PPP3CA: variants seen among roughly 807,000 people sequenced by gnomAD.
The protein encoded by PPP3CA is protein phosphatase 3 catalytic subunit alpha, also known as CAM-PRP catalytic subunit.
In PPP3CA, 14 loss-of-function variants were observed where a neutral mutation model predicts 66.5. The observed-to-expected ratio is 0.21, with a 90% CI of 0.14 to 0.33. PPP3CA has a LOEUF of 0.33. PPP3CA is among the 10% of genes least tolerant of loss of function. The pLI is 1.00. For synonymous variants in PPP3CA, 232 were observed against 226.2 expected (o/e 1.03, Z -0.23); for missense variants, 317 against 639.5 (o/e 0.50, Z 5.44).
chr4:101,275,457 C>A (rs979891895), intron 1 of PPP3CA, among the ~76,000 whole-genome samples: 9 of 152,164 alleles, frequency 5.9e-5, no homozygotes, highest in African/African-American at 2.2e-4. Flanking sequence ...CCTTGTACCA[C>A]CCATATTCCT....
intron 1 of PPP3CA, among the ~76,000 whole-genome samples, chr4:101,281,246 C>G (rs1221233406): frequency 2.0e-5 from 3 of 152,172 alleles, no homozygotes; most frequent in African/African-American, 7.2e-5. Context: ...AGACAGTGAA[C>G]GTACATAATT....
intron 7 of PPP3CA, among the ~76,000 whole-genome samples, chr4:101,082,273 T>G (rs761942828): frequency 5.6e-4 from 86 of 152,228 alleles, no homozygotes; most frequent in Non-Finnish European, 9.0e-4. Context: ...GTTGACTGAT[T>G]GCTTGAAAAC....
intron 2 of PPP3CA, among the ~76,000 whole-genome samples, chr4:101,116,258 C>A (rs1035061026): frequency 2.6e-5 from 4 of 151,866 alleles, no homozygotes; most frequent in African/African-American, 9.7e-5. Context: ...GAGTTCCTCA[C>A]TACTTTCAGC....
intron 1 of PPP3CA, among the ~76,000 whole-genome samples, chr4:101,298,273 T>A (rs1728256987): frequency 6.6e-6 from 1 of 151,760 alleles, no homozygotes; most frequent in Admixed American, 6.6e-5. Flanking sequence ...TCCTTTTAAA[T>A]TGGTCTAAGA....
At chr4:101,088,047 C>A (rs982353015) in intron 6 of PPP3CA, among the ~76,000 whole-genome samples, 4 of 152,170 alleles carry the variant, frequency 2.6e-5, no homozygotes, top group African/African-American at 4.8e-5. Flanking sequence ...ATGCCTTCAT[C>A]ATGAATAGTC....
intron 10 of PPP3CA, among the ~76,000 whole-genome samples, chr4:101,051,741 C>T (rs1385149887): frequency 1.3e-5 from 2 of 152,036 alleles, no homozygotes; most frequent in East Asian, 3.9e-4. Context: ...ACATGGTTTG[C>T]TTTCTCGAAT....
At chr4:101,250,414 A>G (rs893323152) in intron 1 of PPP3CA, 3 of 452,898 alleles carry the variant, frequency 6.6e-6, no homozygotes, top group Non-Finnish European at 4.4e-6. Flanking sequence ...ATATGTTGCC[A>G]TAAGAATATA....
At chr4:101,075,007 T>C (rs1180620752) in intron 8 of PPP3CA, among the ~76,000 whole-genome samples, 2 of 152,222 alleles carry the variant, frequency 1.3e-5, no homozygotes, top group Non-Finnish European at 2.9e-5. Context: ...ATGTCTTATA[T>C]GGTGACAGGC....
intron 2 of PPP3CA, among the ~76,000 whole-genome samples, chr4:101,124,739 GAA>G (rs768440380): frequency 2.4e-3 from 209 of 87,084 alleles, no homozygotes; most frequent in African/African-American, 7.7e-3. Context: ...AAGAAAGAAA[GAA>G]AGAAAGAAAG....
chr4:101,152,388 T>C (rs1723171591), intron 2 of PPP3CA, among the ~76,000 whole-genome samples: 1 of 152,192 alleles, frequency 6.6e-6, no homozygotes. Context: ...TATAATGCTT[T>C]TGGATATTTG....
At chr4:101,263,934 T>C (rs576710443) in intron 1 of PPP3CA, among the ~76,000 whole-genome samples, 16 of 152,316 alleles carry the variant, frequency 1.1e-4, no homozygotes, top group South Asian at 2.1e-4. Context: ...TAGAAATTCA[T>C]GTCAGTTAGG....
intron 2 of PPP3CA, among the ~76,000 whole-genome samples, chr4:101,183,198 G>A (rs930205997): frequency 1.5e-4 from 23 of 152,224 alleles, no homozygotes; most frequent in African/African-American, 5.5e-4. Context: ...TGGCCCTTCT[G>A]TCTTGTTGCT....
rs560899641 is a variant in PPP3CA, at chr4:101,340,221, C to G, written c.58+6518G>C. On this transcript the variant is annotated intron_variant, in intron 1 of 13. Transcript: ENST00000394854. ...AAGCAAAATTTCCAGTTGCAAGAGA[C>G]AGAAGTTCACAGACAGGTAGACCAT... 5.3e-5 allele frequency among the ~76,000 whole-genome samples: 8 copies of G among 152,160 alleles called. No homozygotes were observed. The East Asian group carries it at 1.5e-3, about 29-fold the overall frequency.
At chr4:101,242,488 TTACTC>T (rs1726342657) in intron 1 of PPP3CA, among the ~76,000 whole-genome samples, 1 of 151,880 alleles carries the variant, frequency 6.6e-6, no homozygotes, top group Non-Finnish European at 1.5e-5. Context: ...TAAAAATAAA[TTACTC>T]TATGTGCTTG....
At position 101,262,075 on chromosome 4, in the gene PPP3CA, C is replaced by T. The variant is rs530788129; in HGVS notation, c.59-65959G>A. On this transcript the variant is annotated intron_variant, in intron 1 of 13. Transcript: ENST00000394854. ...CAATGAATTAAAAACTGACCAGGAA[C>T]TAAGGTAAATACAAAGACCGATTTT... 2.6e-5 allele frequency among the ~76,000 whole-genome samples: 4 copies of T among 152,132 alleles called. No individual in the cohort carries two copies. The South Asian group carries it at 8.3e-4, about 32-fold the overall frequency.
At chr4:101,287,764 CTCT>C (rs1369858191) in intron 1 of PPP3CA, among the ~76,000 whole-genome samples, 1 of 124,020 alleles carries the variant, frequency 8.1e-6, no homozygotes, top group Non-Finnish European at 2.0e-5. Context: ...CTATTAACCT[CTCT>C]TTTTTTTTTT....
At chr4:101,226,256 G>A (rs1560668362) in intron 1 of PPP3CA, among the ~76,000 whole-genome samples, 1 of 151,514 alleles carries the variant, frequency 6.6e-6, no homozygotes, top group Non-Finnish European at 1.5e-5. Flanking sequence ...ACACATACAG[G>A]TACTTGCGCA....
At chr4:101,262,070 AG>A (rs1174876148) in intron 1 of PPP3CA, among the ~76,000 whole-genome samples, 1 of 152,140 alleles carries the variant, frequency 6.6e-6, no homozygotes, top group Non-Finnish European at 1.5e-5. Flanking sequence ...AAAACTGACC[AG>A]GAACTAAGGT....
chr4:101,194,821 C>A (rs1373733916), intron 2 of PPP3CA, among the ~76,000 whole-genome samples: 1 of 152,072 alleles, frequency 6.6e-6, no homozygotes, highest in African/African-American at 2.4e-5. Flanking sequence ...CCCACCTCGG[C>A]CTCCCAAAGT....
Sources: gnomAD v4.1 joint callset for allele counts (sites outside exome capture counted in the v4.1 genomes callset) on GRCh38, gnomAD v4.1.1 for gene constraint, MANE v1.5 for transcripts, NCBI Gene and HGNC (gene_info 2026-07-23, HGNC 2026-07-21) for gene names.